MCTP1: variants seen among roughly 807,000 people sequenced by gnomAD.
MCTP1 encodes the protein multiple C2 and transmembrane domain containing 1, also known as multiple C2 and transmembrane domain-containing protein 1.
MCTP1 carries 69 observed loss-of-function variants against 120.6 expected under a neutral mutation model. That is an observed-to-expected ratio of 0.57 (90% CI 0.47 to 0.70). The LOEUF is 0.70. MCTP1 is among the 30% of genes least tolerant of loss of function. The pLI is 0.00. For synonymous variants in MCTP1, 529 were observed against 493.1 expected (o/e 1.07, Z -0.96); for missense variants, 1,203 against 1,248.8 (o/e 0.96, Z 0.55).
intron 1 of MCTP1, among the ~76,000 whole-genome samples, chr5:95,090,359 G>A (rs1452764627): frequency 6.6e-6 from 1 of 152,142 alleles, no homozygotes; most frequent in African/African-American, 2.4e-5. Context: ...AAATCAATTA[G>A]CTATTTCATT....
intron 17 of MCTP1, among the ~76,000 whole-genome samples, chr5:94,865,601 G>C (rs1402681367): frequency 6.6e-6 from 1 of 151,708 alleles, no homozygotes; most frequent in East Asian, 1.9e-4. Context: ...CAATAAACAG[G>C]GCTAAAATGT....
chr5:94,751,412 CAG>C (rs928182138), intron 19 of MCTP1, among the ~76,000 whole-genome samples: 2 of 149,830 alleles, frequency 1.3e-5, no homozygotes, highest in African/African-American at 4.9e-5. Context: ...GGGGTGGAGA[CAG>C]GGGGTGAGGA....
intron 19 of MCTP1, among the ~76,000 whole-genome samples, chr5:94,724,700 C>G (rs1761735285): frequency 6.6e-6 from 1 of 152,128 alleles, no homozygotes; most frequent in Non-Finnish European, 1.5e-5. Flanking sequence ...TGGAATAGAT[C>G]TCTCAAAGTT....
chr5:95,003,635 G>A (rs1834134070), intron 2 of MCTP1, among the ~76,000 whole-genome samples: 1 of 152,216 alleles, frequency 6.6e-6, no homozygotes, highest in South Asian at 2.1e-4. Flanking sequence ...AGAGAATACA[G>A]TAGGTCCTCA....
chr5:94,727,125 A>G (rs1308808982), intron 19 of MCTP1, among the ~76,000 whole-genome samples: 1 of 152,180 alleles, frequency 6.6e-6, no homozygotes, highest in Non-Finnish European at 1.5e-5. Flanking sequence ...CCTTCTCCCC[A>G]TCTGAGCTTA....
intron 1 of MCTP1, among the ~76,000 whole-genome samples, chr5:95,090,835 G>GC (rs1337814836): frequency 6.6e-6 from 1 of 152,028 alleles, no homozygotes; most frequent in Admixed American, 6.6e-5. Flanking sequence ...TCTGTCTTTA[G>GC]CCCATATCTG....
At position 95,176,166 on chromosome 5, in the gene MCTP1, A is replaced by AT. The variant is rs78478001; in HGVS notation, c.720+107689dup. 1.3e-3 allele frequency among the ~76,000 whole-genome samples: 190 copies of AT among 151,644 alleles called. 1 individual carries two copies. The East Asian group carries it at 0.02, about 16-fold the overall frequency. Reference sequence around the variant, plus strand: ...TTTGTTATTCTAATTGATAAAATGTATTTTTTTTTAACAAATATTTGTTTA... The same window carrying AT: ...TTTGTTATTCTAATTGATAAAATGTATTTTTTTTTTAACAAATATTTGTTTA... On this transcript the variant is annotated intron_variant, in intron 1 of 22. Coordinates refer to ENST00000515393, the MANE Select transcript of MCTP1 (RefSeq NM_024717.7).
chr5:94,720,553 A>G (rs1760671558), intron 19 of MCTP1, among the ~76,000 whole-genome samples: 1 of 152,194 alleles, frequency 6.6e-6, no homozygotes. Context: ...CTTATGATCT[A>G]ATATATATAG....
At chr5:95,160,970 G>A (rs1211076001) in intron 1 of MCTP1, among the ~76,000 whole-genome samples, 1 of 152,134 alleles carries the variant, frequency 6.6e-6, no homozygotes, top group Non-Finnish European at 1.5e-5. Context: ...GTGGAGAAAG[G>A]GAACTCTTGT....
intron 1 of MCTP1, among the ~76,000 whole-genome samples, chr5:95,152,423 T>C (rs1744633550): frequency 6.6e-6 from 1 of 152,180 alleles, no homozygotes; most frequent in African/African-American, 2.4e-5. Flanking sequence ...GAGCCCTAAT[T>C]CTCAGCTATT....
intron 1 of MCTP1, among the ~76,000 whole-genome samples, chr5:95,239,217 C>T (rs534098491): frequency 2.6e-5 from 4 of 152,208 alleles, no homozygotes; most frequent in Middle Eastern, 3.4e-3. Flanking sequence ...CTCCTGAAGA[C>T]GCGCAGAAAC....
intron 1 of MCTP1, among the ~76,000 whole-genome samples, chr5:95,232,043 C>T (rs1461867735): frequency 6.6e-6 from 1 of 151,482 alleles, no homozygotes; most frequent in Non-Finnish European, 1.5e-5. Flanking sequence ...AGACTCTACT[C>T]ACTAGATGCC....
At chr5:95,244,078 T>A (rs867305411) in intron 1 of MCTP1, among the ~76,000 whole-genome samples, 1 of 152,322 alleles carries the variant, frequency 6.6e-6, no homozygotes, top group Middle Eastern at 3.4e-3. Flanking sequence ...AGAGAAGATA[T>A]TTTTAACGTA....
chr5:95,166,461 C>T (rs993583193), intron 1 of MCTP1, among the ~76,000 whole-genome samples: 2 of 152,056 alleles, frequency 1.3e-5, no homozygotes, highest in Admixed American at 6.5e-5. Flanking sequence ...AGATTCTTAC[C>T]GTCTTGTCAA....
chr5:95,202,664 T>C (rs776984291), intron 1 of MCTP1, among the ~76,000 whole-genome samples: 4 of 152,204 alleles, frequency 2.6e-5, no homozygotes, highest in Non-Finnish European at 4.4e-5. Context: ...GTTTTGTCTT[T>C]TTCATTTACC....
At chr5:94,916,532 T>A (rs752340795) in intron 8 of MCTP1, among the ~76,000 whole-genome samples, 1 of 152,198 alleles carries the variant, frequency 6.6e-6, no homozygotes, top group Admixed American at 6.5e-5. Flanking sequence ...TTATTACTTT[T>A]ACTTATTTTC....
intron 1 of MCTP1, among the ~76,000 whole-genome samples, chr5:95,255,244 G>A (rs1049409167): frequency 6.6e-6 from 1 of 152,150 alleles, no homozygotes; most frequent in Non-Finnish European, 1.5e-5. Context: ...AAGCAACCCT[G>A]TCTTACTAAT....
chr5:94,944,209 C>A (rs1000780564), intron 3 of MCTP1, among the ~76,000 whole-genome samples: 1 of 152,050 alleles, frequency 6.6e-6, no homozygotes, highest in African/African-American at 2.4e-5. Context: ...TCCCTTAATG[C>A]CTTTTAAATT....
Position 94,774,150 on chromosome 5 carries a change from G to C in MCTP1, c.2610+4960C>G, listed in dbSNP as rs935788414. On this transcript the variant is annotated intron_variant, in intron 19 of 22. Coordinates refer to ENST00000515393, the MANE Select transcript of MCTP1 (RefSeq NM_024717.7). Reference sequence around the variant, plus strand: ...GTGAACCCGGGAGGCGGAGCTTGCAGTGAGCCGAGATCCCGCCACTGCACT... The same window carrying C: ...GTGAACCCGGGAGGCGGAGCTTGCACTGAGCCGAGATCCCGCCACTGCACT... Among the ~76,000 whole-genome samples, 7 of 36,478 alleles carry C rather than the reference G, an allele frequency of 1.9e-4. 2 individuals carry two copies. Among genetic ancestry groups the C allele is most frequent in the Non-Finnish European group, 3.3e-4 (7 of 21,518 alleles). 23.9% of individuals were successfully genotyped at this position (36,478 alleles called of 152,430 possible).
Sources: allele counts gnomAD v4.1 joint callset (sites outside exome capture counted in the v4.1 genomes callset), GRCh38; gene constraint gnomAD v4.1.1; transcripts MANE v1.5; gene names NCBI Gene and HGNC (gene_info 2026-07-23, HGNC 2026-07-21).